The following SPPL3 variants were observed in gnomAD, a reference collection of about 807,000 sequenced individuals.
SPPL3 encodes signal peptide peptidase-like 3.
Under a neutral mutation model 42.4 loss-of-function variants are expected in SPPL3, and 5 were observed. The ratio of observed to expected loss-of-function variants is 0.12; its 90% confidence interval spans 0.06 to 0.25. The LOEUF (loss-of-function observed/expected upper bound fraction) is 0.25. Among genes scored for constraint, SPPL3 ranks in the 10% least tolerant of loss-of-function variants. SPPL3 has a pLI of 1.00. For synonymous variants in SPPL3, 195 were observed against 181.8 expected, an observed-to-expected ratio of 1.07 and a Z score of -0.58; for missense variants, 235 against 489.0, an observed-to-expected ratio of 0.48 and a Z score of 4.90.
At chr12:120,846,502 C>T (rs1872044767) in intron 1 of SPPL3, among the ~76,000 whole-genome samples, 1 of 152,052 alleles carries the variant, frequency 6.6e-6, no homozygotes, top group South Asian at 2.1e-4. Flanking sequence ...AAAATAGTTA[C>T]CTTAGAATTT....
intron 2 of SPPL3, chr12:120,791,774 A>G (rs1234692819): frequency 2.1e-6 from 1 of 475,492 alleles, no homozygotes; most frequent in African/African-American, 2.0e-5. Flanking sequence ...AAGCATCCCA[A>G]TGCAGCTGAA....
intron 6 of SPPL3, among the ~76,000 whole-genome samples, chr12:120,778,340 C>T (rs1869409122): frequency 6.6e-6 from 1 of 152,046 alleles, no homozygotes; most frequent in South Asian, 2.1e-4. Context: ...TGGTCTCGAA[C>T]TCCTGACCTC....
At position 120,768,360 on chromosome 12, in the gene SPPL3, A is replaced by G; in HGVS notation, c.738T>C (p.Pro246=). The part of the protein sequence containing the change: ...HLGPNVGRDV[P]RLSLPGKLVF... ...CCAGTTTTCCAGGCAGAGACAGGCG[A>G]GGAACATCACGCCCAACATTGGGCC... The change falls in exon 8 of 11, where the codon CCT becomes CCC. Residue 246 remains proline, a synonymous_variant. Coordinates refer to ENST00000353487, the MANE Select transcript of SPPL3 (RefSeq NM_139015.5). 1 of 1,614,160 alleles carries G rather than the reference A, an allele frequency of 6.2e-7. No individual in the cohort carries two copies. Among genetic ancestry groups the G allele is most frequent in the Non-Finnish European group, 8.5e-7 (1 of 1,180,010 alleles).
chr12:120,851,381 T>G (rs897835546), intron 1 of SPPL3, among the ~76,000 whole-genome samples: 1 of 152,106 alleles, frequency 6.6e-6, no homozygotes, highest in Non-Finnish European at 1.5e-5. Flanking sequence ...CCAAAAAAAG[T>G]AGCCCACATC....
chr12:120,835,657 A>G (rs1871593897), intron 1 of SPPL3: 1 of 152,214 alleles, frequency 6.6e-6, no homozygotes. Context: ...CAATATCCTT[A>G]TGCCTTCATG....
intron 1 of SPPL3, among the ~76,000 whole-genome samples, chr12:120,862,863 C>T (rs1872650747): frequency 6.6e-6 from 1 of 152,222 alleles, no homozygotes; most frequent in Non-Finnish European, 1.5e-5. Context: ...CTTCTAGCAA[C>T]CAGTCATCAT....
intron 1 of SPPL3, among the ~76,000 whole-genome samples, chr12:120,880,191 G>A (rs767263683): frequency 9.2e-5 from 14 of 151,738 alleles, no homozygotes; most frequent in African/African-American, 2.9e-4. Context: ...GAATCTCAGC[G>A]TATATGGTAC....
intron 1 of SPPL3, among the ~76,000 whole-genome samples, chr12:120,879,834 G>A (rs946300465): frequency 4.6e-5 from 7 of 152,058 alleles, no homozygotes; most frequent in African/African-American, 1.7e-4. Flanking sequence ...TACACATGCA[G>A]TCAAATGTGG....
At chr12:120,812,674 GAGAC>G (rs1337780245) in intron 1 of SPPL3, among the ~76,000 whole-genome samples, 3 of 152,130 alleles carry the variant, frequency 2.0e-5, no homozygotes, top group Non-Finnish European at 2.9e-5. Flanking sequence ...AGATGAAAGA[GAGAC>G]AGAGAAGGAA....
intron 1 of SPPL3, among the ~76,000 whole-genome samples, chr12:120,875,839 A>G (rs1004743431): frequency 4.6e-5 from 7 of 152,216 alleles, no homozygotes; most frequent in African/African-American, 1.7e-4. Context: ...ATCCGGCCAC[A>G]TGCTATGTAT....
intron 1 of SPPL3, among the ~76,000 whole-genome samples, chr12:120,871,130 C>CA (rs71453512): frequency 0.012 from 628 of 51,658 alleles, 32 homozygotes; most frequent in Middle Eastern, 0.062. Context: ...ACTCCGTCTC[C>CA]AAAAAAAAAA....
rs1194595333 is a variant in SPPL3 at position 120,818,799 on chromosome 12, A to G, written c.24-7913T>C. Among the ~76,000 whole-genome samples, 9 of 142,696 alleles carry G rather than the reference A, an allele frequency of 6.3e-5. No homozygotes were observed. In the Admixed American group the frequency reaches 6.8e-4, roughly 11 times the overall value. The allele number at this position is 142,696 out of a possible 152,430, so 93.6% of individuals were successfully genotyped here. ...GGGTTAGTGATATTTACCGTATTAA[A>G]TTAAAACTGAGAAAAAGTTAAAATA... On this transcript the variant is annotated intron_variant, in intron 1 of 10. Coordinates refer to ENST00000353487, the MANE Select transcript of SPPL3 (RefSeq NM_139015.5).
intron 1 of SPPL3, among the ~76,000 whole-genome samples, chr12:120,888,902 T>C (rs2650017): frequency 0.48 from 73,382 of 151,874 alleles, 17,923 homozygotes; most frequent in East Asian, 0.56. Context: ...CTCCACCTCC[T>C]GGGCTCAGGC....
intron 1 of SPPL3, among the ~76,000 whole-genome samples, chr12:120,903,081 C>T (rs190779259): frequency 6.6e-6 from 1 of 152,196 alleles, no homozygotes; most frequent in Non-Finnish European, 1.5e-5. Context: ...ACTTAACTTG[C>T]AGGTCCTCCA....
intron 1 of SPPL3, among the ~76,000 whole-genome samples, chr12:120,843,645 CA>C (rs1184339026): frequency 2.0e-5 from 3 of 152,108 alleles, no homozygotes; most frequent in Non-Finnish European, 4.4e-5. Context: ...TTAGAAAGTC[CA>C]ATGGTTTCAA....
chr12:120,852,903 A>AT (rs1264511197), intron 1 of SPPL3, among the ~76,000 whole-genome samples: 4 of 38,956 alleles, frequency 1.0e-4, no homozygotes, highest in Non-Finnish European at 2.8e-4. Context: ...ATATATATAT[A>AT]TATTTTTTAA....
chr12:120,860,340 T>C (rs1872587337), intron 1 of SPPL3, among the ~76,000 whole-genome samples: 1 of 152,202 alleles, frequency 6.6e-6, no homozygotes, highest in Non-Finnish European at 1.5e-5. Context: ...CTATACAGCA[T>C]ACTCAACCAG....
chr12:120,766,380 G>T lies in SPPL3; in HGVS notation c.974-8C>A. 1 of 1,570,304 alleles carries T rather than the reference G, an allele frequency of 6.4e-7. No homozygotes were observed. The highest frequency in any genetic ancestry group is 8.6e-7 in the Non-Finnish European group (1 of 1,158,052). On this transcript the variant is annotated splice_region_variant and splice_polypyrimidine_tract_variant and intron_variant, in intron 9 of 10. Transcript: ENST00000353487. ...CAGTAGCAGTGAGCAGGCCTGTGAG[G>T]AGAGAGAGGCATCTGTGAGACACGA...
Position 120,764,922 on chromosome 12 carries a change from C to T in SPPL3, c.*77G>A, listed in dbSNP as rs1358087724. ...ACAGGTACATTTCTGAGTACCAGGC[C>T]AGCTCTAAGAGGAAACAAACCATGA... On this transcript the variant is annotated 3_prime_UTR_variant, in exon 11 of 11. Transcript: ENST00000353487. The T allele has an allele frequency of 1.3e-6, 2 of 1,496,714 alleles. No homozygotes were observed. The highest frequency in any genetic ancestry group is 1.9e-5 in the Admixed American group (1 of 53,250). The allele number at this position is 1,496,714 out of a possible 1,614,324, so 92.7% of individuals were successfully genotyped here.
Sources: allele counts gnomAD v4.1 joint callset (sites outside exome capture counted in the v4.1 genomes callset), GRCh38; gene constraint gnomAD v4.1.1; transcripts MANE v1.5; gene names NCBI Gene and HGNC (gene_info 2026-07-23, HGNC 2026-07-21).